Variants in BRINP1 observed in about 807,000 individuals in gnomAD.
BRINP1 encodes BMP/retinoic acid-inducible neural-specific protein 1.
In BRINP1, 17 loss-of-function variants were observed where a neutral mutation model predicts 72.9. That is an observed-to-expected ratio of 0.23 (90% CI 0.16 to 0.35). BRINP1 has a LOEUF of 0.35. Ranked by LOEUF, BRINP1 falls within the 10% of genes least tolerant of loss-of-function variation. The pLI is 1.00. For synonymous variants in BRINP1, 418 were observed against 378.5 expected (o/e 1.10, Z -1.21); for missense variants, 850 against 1,001.6 (o/e 0.85, Z 2.04).
intron 3 of BRINP1, among the ~76,000 whole-genome samples, chr9:119,243,660 G>C (rs570694317): frequency 6.6e-6 from 1 of 152,066 alleles, no homozygotes; most frequent in Non-Finnish European, 1.5e-5. Flanking sequence ...ACTAATTTAC[G>C]TTCCCACCAA....
chr9:119,310,858 A>C (rs909453057), intron 2 of BRINP1, among the ~76,000 whole-genome samples: 4 of 152,208 alleles, frequency 2.6e-5, no homozygotes, highest in Admixed American at 1.3e-4. Flanking sequence ...GGAAGGAAAA[A>C]GTATCAATTC....
intron 1 of BRINP1, among the ~76,000 whole-genome samples, chr9:119,342,901 G>C (rs1831418545): frequency 6.6e-6 from 1 of 152,110 alleles, no homozygotes; most frequent in Non-Finnish European, 1.5e-5. Context: ...TCAAATCCTA[G>C]GTGTTCTATT....
At chr9:119,276,582 G>A (rs10760031) in intron 2 of BRINP1, among the ~76,000 whole-genome samples, 54,251 of 151,922 alleles carry the variant, frequency 0.36, 11,502 homozygotes, top group African/African-American at 0.59. Context: ...TTAACCCATC[G>A]GTGGATATGT....
chr9:119,236,673 C>G (rs114014777), intron 5 of BRINP1, among the ~76,000 whole-genome samples: 1,731 of 152,322 alleles, frequency 0.011, 29 homozygotes, highest in African/African-American at 0.039. Context: ...CCACTTCACA[C>G]AGTCTCTACA....
intron 7 of BRINP1, among the ~76,000 whole-genome samples, chr9:119,193,014 GTCT>G (rs1478517308): frequency 6.6e-6 from 1 of 152,002 alleles, no homozygotes; most frequent in Non-Finnish European, 1.5e-5. Context: ...ACCTACCCAT[GTCT>G]TACTGTATAC....
chr9:119,268,272 A>C (rs968064206), intron 2 of BRINP1, among the ~76,000 whole-genome samples: 4 of 146,832 alleles, frequency 2.7e-5, no homozygotes, highest in African/African-American at 9.8e-5. Context: ...AGATAGATAG[A>C]TAGATAGATA....
intron 2 of BRINP1, among the ~76,000 whole-genome samples, chr9:119,307,765 G>T (rs1184577545): frequency 6.6e-6 from 1 of 152,158 alleles, no homozygotes; most frequent in Non-Finnish European, 1.5e-5. Context: ...AGAAAAAGAG[G>T]TTGTACGGTT....
At chr9:119,352,687 G>A (rs915580976) in intron 1 of BRINP1, among the ~76,000 whole-genome samples, 3 of 152,172 alleles carry the variant, frequency 2.0e-5, no homozygotes, top group South Asian at 4.1e-4. Context: ...GATTACAGGC[G>A]TGAGCCACCA....
intron 1 of BRINP1, among the ~76,000 whole-genome samples, chr9:119,313,609 A>G (rs1283081252): frequency 6.6e-6 from 1 of 152,170 alleles, no homozygotes; most frequent in African/African-American, 2.4e-5. Context: ...AATCTATGGA[A>G]ATCTGGGCCC....
intron 2 of BRINP1, among the ~76,000 whole-genome samples, chr9:119,285,201 C>CAAAA (rs58381406): frequency 2.5e-5 from 3 of 121,178 alleles, no homozygotes; most frequent in African/African-American, 9.2e-5. Context: ...TTGCAGGCAT[C>CAAAA]AAAAAAAAAA....
chr9:119,220,135 G>A (rs1830024763), intron 5 of BRINP1, among the ~76,000 whole-genome samples: 1 of 152,158 alleles, frequency 6.6e-6, no homozygotes, highest in African/African-American at 2.4e-5. Flanking sequence ...AGAGGAAATA[G>A]CATTTCTTAT....
At chr9:119,256,415 A>C (rs1373907875) in intron 2 of BRINP1, among the ~76,000 whole-genome samples, 2 of 152,210 alleles carry the variant, frequency 1.3e-5, no homozygotes, top group African/African-American at 2.4e-5. Flanking sequence ...CTTGTGAAGT[A>C]AGCTGAAAGT....
At chr9:119,177,471 C>T (rs983153339) in intron 7 of BRINP1, among the ~76,000 whole-genome samples, 3 of 152,178 alleles carry the variant, frequency 2.0e-5, no homozygotes, top group Non-Finnish European at 4.4e-5. Flanking sequence ...CTGACGAGAG[C>T]GTCATTTCAA....
chr9:119,285,047 A>G (rs1830745606), intron 2 of BRINP1, among the ~76,000 whole-genome samples: 2 of 152,248 alleles, frequency 1.3e-5, no homozygotes, highest in Admixed American at 6.5e-5. Flanking sequence ...AGTTTTTGAA[A>G]CAAGCAAAGC....
intron 3 of BRINP1, among the ~76,000 whole-genome samples, chr9:119,244,651 G>A (rs192713273): frequency 1.1e-4 from 17 of 152,258 alleles, no homozygotes; most frequent in Non-Finnish European, 1.9e-4. Context: ...AAACAAGCCC[G>A]GTTCCCTCTG....
intron 2 of BRINP1, among the ~76,000 whole-genome samples, chr9:119,268,643 A>T (rs780980664): frequency 9.2e-5 from 14 of 152,146 alleles, no homozygotes; most frequent in Non-Finnish European, 1.5e-4. Flanking sequence ...GATTTATCTT[A>T]TTCATTTGTT....
At chr9:119,325,661 C>G (rs1299579120) in intron 1 of BRINP1, among the ~76,000 whole-genome samples, 1 of 152,192 alleles carries the variant, frequency 6.6e-6, no homozygotes, top group African/African-American at 2.4e-5. Flanking sequence ...GGTCGTCTTG[C>G]TTCATGTCTG....
chr9:119,353,776 T>C (rs891920485), intron 1 of BRINP1, among the ~76,000 whole-genome samples: 1 of 151,912 alleles, frequency 6.6e-6, no homozygotes, highest in Middle Eastern at 3.4e-3. Flanking sequence ...ATGGCATGTG[T>C]TTATTTTTCA....
At chr9:119,202,403 G>A (rs1391344739) in intron 7 of BRINP1, among the ~76,000 whole-genome samples, 3 of 152,062 alleles carry the variant, frequency 2.0e-5, no homozygotes, top group African/African-American at 4.8e-5. Flanking sequence ...ACAGCATTCA[G>A]AGTTCACAAA....
Sources: gnomAD v4.1 joint callset for allele counts (sites outside exome capture counted in the v4.1 genomes callset) on GRCh38, gnomAD v4.1.1 for gene constraint, MANE v1.5 for transcripts, NCBI Gene and HGNC (gene_info 2026-07-23, HGNC 2026-07-21) for gene names.